BMPR1B: variants seen among roughly 807,000 people sequenced by gnomAD.
The protein encoded by BMPR1B is bone morphogenetic protein receptor type-1B.
Under a neutral mutation model 59.1 loss-of-function variants are expected in BMPR1B, and 12 were observed. That is an observed-to-expected ratio of 0.20 (90% CI 0.13 to 0.33). The LOEUF is 0.33. BMPR1B is among the 10% of genes least tolerant of loss of function. The pLI is 1.00. For synonymous variants in BMPR1B, 237 were observed against 207.3 expected (o/e 1.14, Z -1.23); for missense variants, 550 against 610.9 (o/e 0.90, Z 1.05).
At chr4:94,776,098 A>AAG (rs1491538764) in intron 1 of BMPR1B, among the ~76,000 whole-genome samples, 1 of 17,810 alleles carries the variant, frequency 5.6e-5, no homozygotes, top group East Asian at 2.1e-3. Context: ...TCAAAAAAAG[A>AAG]AAAAAAAAAA....
At chr4:94,796,678 T>C (rs113177738) in intron 1 of BMPR1B, among the ~76,000 whole-genome samples, 12,213 of 152,212 alleles carry the variant, frequency 0.08, 519 homozygotes, top group South Asian at 0.11. Context: ...TGTGTGTGTG[T>C]ATGTGTGTGC....
chr4:94,939,083 A>G (rs973850898), intron 2 of BMPR1B, among the ~76,000 whole-genome samples: 2 of 152,192 alleles, frequency 1.3e-5, no homozygotes, highest in East Asian at 1.9e-4. Context: ...CCGAGCCTCT[A>G]TGTCCCTTCT....
intron 2 of BMPR1B, among the ~76,000 whole-genome samples, chr4:94,906,489 T>A: frequency 6.6e-6 from 1 of 152,022 alleles, no homozygotes; most frequent in Non-Finnish European, 1.5e-5. Context: ...CCAGTAGTCT[T>A]CCTGACTGTT....
intron 1 of BMPR1B, among the ~76,000 whole-genome samples, chr4:94,779,448 A>G (rs952610046): frequency 6.6e-6 from 1 of 152,202 alleles, no homozygotes; most frequent in African/African-American, 2.4e-5. Flanking sequence ...GATAATGATC[A>G]TATTTTTCTT....
At chr4:94,767,295 T>A (rs1050543936) in intron 1 of BMPR1B, among the ~76,000 whole-genome samples, 1 of 152,240 alleles carries the variant, frequency 6.6e-6, no homozygotes, top group African/African-American at 2.4e-5. Flanking sequence ...GGTAGGATTC[T>A]AATGATGTAC....
At chr4:94,867,182 A>G (rs559253832) in intron 1 of BMPR1B, among the ~76,000 whole-genome samples, 3 of 152,296 alleles carry the variant, frequency 2.0e-5, no homozygotes, top group Admixed American at 1.3e-4. Flanking sequence ...TAGCATGGCT[A>G]ACCCTTCTCT....
At chr4:94,862,233 C>CGAT (rs1726014339) in intron 1 of BMPR1B, among the ~76,000 whole-genome samples, 1 of 151,694 alleles carries the variant, frequency 6.6e-6, no homozygotes. Flanking sequence ...TCACTGCAGT[C>CGAT]GCATCTCCCA....
intron 2 of BMPR1B, among the ~76,000 whole-genome samples, chr4:94,952,245 G>A (rs150802182): frequency 5.7e-4 from 87 of 151,596 alleles, no homozygotes; most frequent in Non-Finnish European, 4.4e-4. Flanking sequence ...AGGGTTTTTC[G>A]TGTCTCTGTC....
At chr4:94,932,003 G>A (rs777552939) in intron 2 of BMPR1B, among the ~76,000 whole-genome samples, 2 of 152,092 alleles carry the variant, frequency 1.3e-5, no homozygotes, top group African/African-American at 4.8e-5. Flanking sequence ...CATGGTGTTC[G>A]CATCACAATA....
chr4:94,836,228 A>G (rs1336187304), intron 1 of BMPR1B, among the ~76,000 whole-genome samples: 1 of 151,188 alleles, frequency 6.6e-6, no homozygotes, highest in East Asian at 1.9e-4. Context: ...ATACATGTGC[A>G]TGTGTCTTTA....
intron 2 of BMPR1B, among the ~76,000 whole-genome samples, chr4:94,978,924 A>G (rs1468999067): frequency 6.7e-6 from 1 of 149,800 alleles, no homozygotes; most frequent in Non-Finnish European, 1.5e-5. Context: ...ACATGGTGGC[A>G]GAGCAAGACA....
At chr4:94,980,991 TCACACACACA>T (rs71583675) in intron 2 of BMPR1B, among the ~76,000 whole-genome samples, 2 of 21,764 alleles carry the variant, frequency 9.2e-5, no homozygotes, top group African/African-American at 3.2e-4. Flanking sequence ...CAAGACTCCA[TCACACACACA>T]CACACACACA....
intron 2 of BMPR1B, among the ~76,000 whole-genome samples, chr4:94,880,181 A>G (rs1160884146): frequency 6.6e-6 from 1 of 152,186 alleles, no homozygotes; most frequent in African/African-American, 2.4e-5. Context: ...GAGCTGAAGC[A>G]TTATATGTCT....
intron 2 of BMPR1B, among the ~76,000 whole-genome samples, chr4:94,912,058 T>TC (rs1728293623): frequency 6.6e-6 from 1 of 152,022 alleles, no homozygotes; most frequent in Non-Finnish European, 1.5e-5. Context: ...CATCCTGTCT[T>TC]ACATGGATGG....
intron 1 of BMPR1B, among the ~76,000 whole-genome samples, chr4:94,758,497 C>T (rs962680363): frequency 2.6e-5 from 4 of 151,580 alleles, no homozygotes; most frequent in African/African-American, 9.7e-5. Context: ...AGGGCAGTCG[C>T]GGAATCCGGG....
intron 2 of BMPR1B, among the ~76,000 whole-genome samples, chr4:94,968,349 TTG>T (rs1491241262): frequency 1.7e-4 from 18 of 107,792 alleles, no homozygotes; most frequent in Middle Eastern, 4.8e-3. Context: ...ATAGTTTTTT[TTG>T]TTGTTGTTGT....
rs140663430 is a variant in BMPR1B, at chr4:94,870,451, A to G, written c.-182-5380A>G. Among the ~76,000 whole-genome samples, 44 of 152,216 alleles carry G rather than the reference A, an allele frequency of 2.9e-4. 1 individual carries two copies. The South Asian group carries it at 8.1e-3, about 28-fold the overall frequency. On this transcript the variant is annotated intron_variant, in intron 1 of 12. Transcript: ENST00000515059. ...ACTTGGTTATGCTATTTGCCATGTGATGGTTATGGAGTTTCTGCTATAAAA... is the reference window on the plus strand; with the variant it reads ...ACTTGGTTATGCTATTTGCCATGTGGTGGTTATGGAGTTTCTGCTATAAAA...
intron 3 of BMPR1B, among the ~76,000 whole-genome samples, chr4:95,058,040 G>A (rs1185194596): frequency 1.3e-5 from 2 of 152,174 alleles, no homozygotes; most frequent in Non-Finnish European, 2.9e-5. Flanking sequence ...CAGAAATAAT[G>A]TGTGAAACAA....
At chr4:95,078,819 A>G (rs141247885) in intron 3 of BMPR1B, among the ~76,000 whole-genome samples, 7,763 of 152,208 alleles carry the variant, frequency 0.051, 674 homozygotes, top group African/African-American at 0.18. Flanking sequence ...GTGCAGTGGC[A>G]CAATCACAGC....
Sources: allele counts gnomAD v4.1 joint callset (sites outside exome capture counted in the v4.1 genomes callset), GRCh38; gene constraint gnomAD v4.1.1; transcripts MANE v1.5; gene names NCBI Gene and HGNC (gene_info 2026-07-23, HGNC 2026-07-21).